The following PAX2 variants were observed in gnomAD, a reference collection of about 807,000 sequenced individuals.
PAX2 encodes the protein paired box 2.
A neutral mutation model predicts 41.7 loss-of-function variants in PAX2; 9 were observed. The ratio of observed to expected loss-of-function variants is 0.22; its 90% CI spans 0.13 to 0.38. The LOEUF is 0.38. Ranked by LOEUF, PAX2 falls within the 10% of genes least tolerant of loss-of-function variation. The pLI is 1.00. For missense variants in PAX2, 418 were observed against 531.6 expected (o/e 0.79, Z 2.10); for synonymous variants, 221 against 212.7 (o/e 1.04, Z -0.34).
chr10:100,755,396 C>A (rs991489070), intron 3 of PAX2, among the ~76,000 whole-genome samples: 1 of 152,174 alleles, frequency 6.6e-6, no homozygotes, highest in Non-Finnish European at 1.5e-5. Context: ...GGCCTGACAA[C>A]AGCTCCAGGT....
chr10:100,773,555 A>G (rs2133882476), intron 3 of PAX2, among the ~76,000 whole-genome samples: 1 of 152,364 alleles, frequency 6.6e-6, no homozygotes, highest in Non-Finnish European at 1.5e-5. Flanking sequence ...ATGGATGGAT[A>G]GATGAATAGA....
At chr10:100,820,503 G>A (rs777194516) in intron 7 of PAX2, among the ~76,000 whole-genome samples, 1 of 152,166 alleles carries the variant, frequency 6.6e-6, no homozygotes, top group Non-Finnish European at 1.5e-5. Flanking sequence ...CAGATCACTT[G>A]AGGTCAGGAG....
chr10:100,770,467 GGTTA>G (rs760331653), intron 3 of PAX2, among the ~76,000 whole-genome samples: 1 of 152,294 alleles, frequency 6.6e-6, no homozygotes, highest in East Asian at 1.9e-4. Flanking sequence ...GTTTCCAAAT[GGTTA>G]GTTAAACACA....
At chr10:100,784,721 G>A (rs756916520) in intron 5 of PAX2, among the ~76,000 whole-genome samples, 18 of 152,150 alleles carry the variant, frequency 1.2e-4, no homozygotes, top group Non-Finnish European at 1.5e-4. Flanking sequence ...ACTGGCACTC[G>A]GAATATGGAC....
At chr10:100,795,664 T>A (rs1847299612) in intron 5 of PAX2, among the ~76,000 whole-genome samples, 1 of 152,264 alleles carries the variant, frequency 6.6e-6, no homozygotes, top group Non-Finnish European at 1.5e-5. Context: ...TATGTGTACC[T>A]CTTCCCCCTT....
At chr10:100,804,181 A>G (rs1847674440) in intron 5 of PAX2, among the ~76,000 whole-genome samples, 1 of 151,970 alleles carries the variant, frequency 6.6e-6, no homozygotes, top group African/African-American at 2.4e-5. Flanking sequence ...AGAGTGACAG[A>G]TTTGTCAAGA....
At chr10:100,798,695 A>G (rs545635130) in intron 5 of PAX2, among the ~76,000 whole-genome samples, 3 of 151,200 alleles carry the variant, frequency 2.0e-5, no homozygotes, top group Non-Finnish European at 4.4e-5. Context: ...TCATTCCTGA[A>G]CACTCCTTCC....
chr10:100,782,765 G>C (rs111529173), intron 5 of PAX2, among the ~76,000 whole-genome samples: 1 of 152,364 alleles, frequency 6.6e-6, no homozygotes, highest in Non-Finnish European at 1.5e-5. Context: ...TTGTTTTGGC[G>C]GCGGCCCCTG....
intron 7 of PAX2, among the ~76,000 whole-genome samples, chr10:100,817,066 C>T (rs958763325): frequency 6.6e-6 from 1 of 152,170 alleles, no homozygotes; most frequent in East Asian, 1.9e-4. Context: ...AACCTCTGCC[C>T]ACCCAGCATG....
chr10:100,827,550 T>G lies in PAX2; in HGVS notation c.1116T>G (p.Pro372=). The change falls in exon 10 of 10, where the codon CCT becomes CCG. Residue 372 remains proline, a synonymous_variant. Coordinates refer to ENST00000355243, the MANE Select transcript of PAX2 (RefSeq NM_000278.5). This position sits in a 1 kb window ranked among gnomAD's most constrained non-coding sequence, Gnocchi z 8.5. The part of the protein sequence containing the change: ...RFSNPALLSS[P]YYYSAAPRGS... ...TCCTGTGTTAACTTCCAGGTTCCCCTTATTATTATAGTGCCGCCCCCCGGG... is the reference window on the plus strand; with the variant it reads ...TCCTGTGTTAACTTCCAGGTTCCCCGTATTATTATAGTGCCGCCCCCCGGG... 1 of 1,613,786 alleles carries G rather than the reference T, an allele frequency of 6.2e-7. No homozygotes were observed. Among genetic ancestry groups the G allele is most frequent in the Non-Finnish European group, 8.5e-7 (1 of 1,179,664 alleles).
upstream of PAX2, among the ~76,000 whole-genome samples, chr10:100,743,149 G>T (rs1330603562): frequency 6.6e-6 from 1 of 152,068 alleles, no homozygotes; most frequent in Non-Finnish European, 1.5e-5. Context: ...CTAGTGCAGT[G>T]CTGGGGAGAC....
intron 5 of PAX2, among the ~76,000 whole-genome samples, chr10:100,782,982 C>T (rs1846696330): frequency 6.6e-6 from 1 of 152,238 alleles, no homozygotes; most frequent in Non-Finnish European, 1.5e-5. Context: ...AGATACCCCT[C>T]TGTACTCTCC....
In PAX2 at chr10:100,826,991, T is replaced by C; in HGVS notation, c.1022-18T>C. 2 of 1,594,258 alleles carry C rather than the reference T, an allele frequency of 1.3e-6. No individual in the cohort carries two copies. Among genetic ancestry groups the C allele is most frequent in the South Asian group, 1.1e-5 (1 of 90,654 alleles). Reference sequence around the variant, plus strand: ...TGGCTTGCAGGCGTCTGATCCCCACTCCCCGACCCTCCCGCAGGGAGCGAG... The same window carrying C: ...TGGCTTGCAGGCGTCTGATCCCCACCCCCCGACCCTCCCGCAGGGAGCGAG... On this transcript the variant is annotated intron_variant, in intron 8 of 9. Transcript: ENST00000355243. The surrounding 1 kb of genome is among the most constrained non-coding windows in gnomAD (Gnocchi z 5.5).
intron 1 of PAX2, chr10:100,749,315 C>A: frequency 9.9e-7 from 1 of 1,005,346 alleles, no homozygotes; most frequent in Non-Finnish European, 1.2e-6. Flanking sequence ...GCCCCGCACG[C>A]GCGGACAGCT....
rs1005908179 is a variant in PAX2, at chr10:100,826,279, T to C, written c.1022-730T>C. Among the ~76,000 whole-genome samples the C allele has an allele frequency of 3.3e-5, 5 of 149,808 alleles. No homozygotes were observed. The highest frequency in any genetic ancestry group is 6.6e-5 in the Admixed American group (1 of 15,070). The stretch of plus-strand genomic sequence containing the variant: ...CTTAACCCGCGGTTAGGGATCACTG[T>C]AAACAGTCTGGGGTCATCACACAGG... On this transcript the variant is annotated intron_variant, in intron 8 of 9. Transcript: ENST00000355243. The surrounding 1 kb of genome is among the most constrained non-coding windows in gnomAD (Gnocchi z 5.5).
rs1404360744 is a variant in PAX2, at chr10:100,803,793, T to G, written c.617-2637T>G. On this transcript the variant is annotated intron_variant, in intron 5 of 9. Transcript: ENST00000355243. ...CGCCTCCCACTGCCACCTCTTCCAG[T>G]AGCAGGCTTCCTTAGCCTTTGCCTC... Among the ~76,000 whole-genome samples the G allele has an allele frequency of 3.3e-5, 5 of 152,080 alleles. No individual in the cohort carries two copies. In the East Asian group the frequency reaches 7.8e-4, roughly 24 times the overall value.
At chr10:100,781,484 C>G (rs1210093104) in intron 5 of PAX2, 119 bp downstream of exon 5, 3 of 1,044,294 alleles carry the variant, frequency 2.9e-6, no homozygotes, top group Non-Finnish European at 4.5e-6. Flanking sequence ...AGTAGCAAAG[C>G]CCAGGTCCCC....
At chr10:100,775,082 A>G (rs757761406) in intron 3 of PAX2, among the ~76,000 whole-genome samples, 3 of 152,104 alleles carry the variant, frequency 2.0e-5, no homozygotes, top group Non-Finnish European at 4.4e-5. Flanking sequence ...GACACCTCCC[A>G]GCTTCTGAGC....
At chr10:100,820,693 G>A (rs1002007533) in intron 7 of PAX2, among the ~76,000 whole-genome samples, 3 of 152,300 alleles carry the variant, frequency 2.0e-5, no homozygotes, top group East Asian at 3.9e-4. Flanking sequence ...CAGCCTGGGC[G>A]ATAGAGCGAG....
Sources: gnomAD v4.1 joint callset for allele counts (sites outside exome capture counted in the v4.1 genomes callset) on GRCh38, gnomAD v4.1.1 for gene constraint, Gnocchi (gnomAD v3.1) non-coding constraint, MANE v1.5 for transcripts, NCBI Gene and HGNC (gene_info 2026-07-23, HGNC 2026-07-21) for gene names.